NEGR1: variants seen among roughly 807,000 people sequenced by gnomAD.
NEGR1 encodes the protein neuronal growth regulator 1.
NEGR1 carries 10 observed loss-of-function variants against 40.9 expected under a neutral mutation model. That is an observed-to-expected ratio of 0.24 (90% CI 0.15 to 0.42). The LOEUF is 0.42. Ranked by LOEUF, NEGR1 falls within the 10% of genes least tolerant of loss-of-function variation. The probability of loss-of-function intolerance (pLI) is 1.00; values close to 1 mark genes in which losing one functional copy is unlikely to be tolerated. For missense variants in NEGR1, 352 were observed against 438.9 expected (o/e 0.80, Z 1.77); for synonymous variants, 185 against 166.8 (o/e 1.11, Z -0.84).
chr1:71,956,785 T>C (rs1407479281), intron 1 of NEGR1, among the ~76,000 whole-genome samples: 1 of 151,914 alleles, frequency 6.6e-6, no homozygotes. Flanking sequence ...GGATAAAGAG[T>C]TCAAAAATAG....
In NEGR1 at chr1:71,722,345, T is replaced by G. The variant is rs896127384; in HGVS notation, c.536-24206A>C. Among the ~76,000 whole-genome samples the G allele has an allele frequency of 2.2e-4, 33 of 152,126 alleles. 1 individual carries two copies. The highest frequency in any genetic ancestry group is 2.2e-3 in the Admixed American group (33 of 15,264). On this transcript the variant is annotated intron_variant, in intron 3 of 6. Transcript: ENST00000357731. ...CAGAAATATGGTAAATTATTTTAATTTATTTTTATTAATTTAATTTATCCA... is the reference window on the plus strand; with the variant it reads ...CAGAAATATGGTAAATTATTTTAATGTATTTTTATTAATTTAATTTATCCA...
intron 2 of NEGR1, among the ~76,000 whole-genome samples, chr1:71,800,485 T>C (rs1657516381): frequency 6.6e-6 from 1 of 152,178 alleles, no homozygotes; most frequent in African/African-American, 2.4e-5. Flanking sequence ...TTTTAGTTCT[T>C]AAGTTTATTA....
chr1:72,111,195 G>T (rs978752998), intron 1 of NEGR1, among the ~76,000 whole-genome samples: 2 of 151,372 alleles, frequency 1.3e-5, no homozygotes, highest in African/African-American at 4.8e-5. Context: ...CATGATTTGG[G>T]GTTGGCTATT....
intron 6 of NEGR1, among the ~76,000 whole-genome samples, chr1:71,504,548 C>G (rs1025706419): frequency 6.6e-6 from 1 of 152,092 alleles, no homozygotes. Flanking sequence ...AAGGCAATCC[C>G]CCTCACAACC....
chr1:71,690,246 G>C (rs931931381), intron 4 of NEGR1, among the ~76,000 whole-genome samples: 1 of 151,840 alleles, frequency 6.6e-6, no homozygotes, highest in Non-Finnish European at 1.5e-5. Flanking sequence ...ATTCAGTATT[G>C]TTCATTCTAT....
chr1:72,078,395 TG>T lies in NEGR1; in HGVS notation c.177-143085del, dbSNP rs150718740. Among the ~76,000 whole-genome samples, 680 of 152,182 alleles carry T rather than the reference TG, an allele frequency of 4.5e-3. 1 individual carries two copies. The highest frequency in any genetic ancestry group is 0.016 in the African/African-American group (645 of 41,538). On this transcript the variant is annotated intron_variant, in intron 1 of 6. Coordinates refer to ENST00000357731, the MANE Select transcript of NEGR1 (RefSeq NM_173808.3). ...AAAAAATTTCATTAAAATTCATACA[TG>T]GCTTTTGAAAAGCACATGCACATAA...
chr1:71,812,857 G>T (rs990355004), intron 2 of NEGR1, among the ~76,000 whole-genome samples: 2 of 152,056 alleles, frequency 1.3e-5, no homozygotes, highest in South Asian at 4.1e-4. Flanking sequence ...TCTGTAGACT[G>T]TCTGTTCACT....
At chr1:71,482,749 TC>T (rs1646862333) in intron 6 of NEGR1, among the ~76,000 whole-genome samples, 1 of 151,846 alleles carries the variant, frequency 6.6e-6, no homozygotes, top group African/African-American at 2.4e-5. Flanking sequence ...CATATGTACT[TC>T]CCTTAGTTCC....
At chr1:71,696,791 C>T (rs887937601) in intron 4 of NEGR1, among the ~76,000 whole-genome samples, 1 of 151,802 alleles carries the variant, frequency 6.6e-6, no homozygotes, top group African/African-American at 2.4e-5. Flanking sequence ...TCTGATTCAG[C>T]ATGGCTGATG....
At chr1:72,090,401 T>C (rs375031400) in intron 1 of NEGR1, among the ~76,000 whole-genome samples, 143 of 148,010 alleles carry the variant, frequency 9.7e-4, no homozygotes, top group African/African-American at 3.3e-3. Context: ...ACTATAGAAA[T>C]AAAGACTAAA....
intron 6 of NEGR1, among the ~76,000 whole-genome samples, chr1:71,490,203 A>G (rs1359240944): frequency 6.6e-6 from 1 of 151,918 alleles, no homozygotes; most frequent in African/African-American, 2.4e-5. Flanking sequence ...TGCTTATATT[A>G]ATATCATGTG....
intron 2 of NEGR1, among the ~76,000 whole-genome samples, chr1:71,900,458 C>T (rs1248618036): frequency 6.6e-6 from 1 of 151,602 alleles, no homozygotes; most frequent in Non-Finnish European, 1.5e-5. Flanking sequence ...TGTAAAAATC[C>T]CTAAGCATAT....
chr1:71,506,428 G>A (rs1191928489), intron 6 of NEGR1, among the ~76,000 whole-genome samples: 2 of 152,148 alleles, frequency 1.3e-5, no homozygotes, highest in African/African-American at 4.8e-5. Context: ...ATGTGTGCAA[G>A]CAGTAGCTGC....
At chr1:72,075,103 A>G (rs1320145661) in intron 1 of NEGR1, among the ~76,000 whole-genome samples, 1 of 152,150 alleles carries the variant, frequency 6.6e-6, no homozygotes, top group Non-Finnish European at 1.5e-5. Context: ...TTTCCTAATA[A>G]ATTAATTTTA....
At chr1:71,473,026 A>AAT (rs1219363603) in intron 6 of NEGR1, among the ~76,000 whole-genome samples, 1 of 152,030 alleles carries the variant, frequency 6.6e-6, no homozygotes, top group Non-Finnish European at 1.5e-5. Context: ...TATGTATCTG[A>AAT]ATATATGTGT....
At chr1:71,735,733 T>A (rs1051379938) in intron 3 of NEGR1, among the ~76,000 whole-genome samples, 3 of 152,088 alleles carry the variant, frequency 2.0e-5, no homozygotes, top group African/African-American at 7.2e-5. Flanking sequence ...GTGCAATAGA[T>A]AAAATATACT....
chr1:72,038,993 GAAGGA>G, intron 1 of NEGR1, among the ~76,000 whole-genome samples: 1 of 152,088 alleles, frequency 6.6e-6, no homozygotes, highest in East Asian at 1.9e-4. Context: ...AAATTTCGCA[GAAGGA>G]AAGAATGAGG....
At chr1:71,704,360 TG>T (rs1557620652) in intron 3 of NEGR1, among the ~76,000 whole-genome samples, 1 of 152,028 alleles carries the variant, frequency 6.6e-6, no homozygotes, top group East Asian at 1.9e-4. Flanking sequence ...AAGCAAAAGC[TG>T]GTTCTTTAAA....
Position 72,078,909 on chromosome 1 carries a change from G to A in NEGR1, c.177-143598C>T, listed in dbSNP as rs905805489. Among the ~76,000 whole-genome samples, 5 of 150,646 alleles carry A rather than the reference G, an allele frequency of 3.3e-5. No homozygotes were observed. The East Asian group carries it at 9.7e-4, about 29-fold the overall frequency. On this transcript the variant is annotated intron_variant, in intron 1 of 6. Coordinates refer to ENST00000357731, the MANE Select transcript of NEGR1 (RefSeq NM_173808.3). ...TCCACCTCGGCCTCCCAAAGTGCTG[G>A]GATTACAGGCATGAGCCACTGCGCC...
Sources: allele counts gnomAD v4.1 joint callset (sites outside exome capture counted in the v4.1 genomes callset), GRCh38; gene constraint gnomAD v4.1.1; transcripts MANE v1.5; gene names NCBI Gene and HGNC (gene_info 2026-07-23, HGNC 2026-07-21).